Variants in MTMR10 observed in about 807,000 individuals in gnomAD.
MTMR10 encodes myotubularin related protein 10, also known as myotubularin-related protein 10.
Under a neutral mutation model 88.1 loss-of-function variants are expected in MTMR10, and 56 were observed. The ratio of observed to expected loss-of-function variants is 0.64; its 90% CI spans 0.51 to 0.79. MTMR10 has a LOEUF of 0.79. Ranked by LOEUF, MTMR10 falls within the 30% of genes least tolerant of loss-of-function variation. The probability of loss-of-function intolerance (pLI) is 0.00; values close to 1 mark genes in which losing one functional copy is unlikely to be tolerated. For missense variants in MTMR10, 883 were observed against 924.7 expected (o/e 0.95, Z 0.58); for synonymous variants, 380 against 340.9 (o/e 1.11, Z -1.26).
At chr15:30,930,437 C>G in the MTMR10 span, 5 of 1,345,596 alleles carry the variant, frequency 3.7e-6, no homozygotes, top group South Asian at 1.6e-5. Context: ...TCCATGTGCA[C>G]TGAATTACAT....
rs547375227 is a variant in MTMR10 at position 30,941,404 on chromosome 15, T to C, written c.*66A>G. On this transcript the variant is annotated 3_prime_UTR_variant, in exon 16 of 16. Coordinates refer to ENST00000435680, the MANE Select transcript of MTMR10 (RefSeq NM_017762.3). ...TTATTAGAGATTCAAACGCCTAGGT[T>C]AGCAATGTTAATTCAGAGGAAAAAA... 6.4e-7 allele frequency: 1 copy of C among 1,560,180 alleles called. No individual in the cohort carries two copies. Among genetic ancestry groups the C allele is most frequent in the Non-Finnish European group, 8.7e-7 (1 of 1,155,818 alleles).
chr15:30,940,923 AAC>A lies in MTMR10; in HGVS notation c.*545_*546del. 1 of 1,049,164 alleles carries A rather than the reference AAC, an allele frequency of 9.5e-7. No individual in the cohort carries two copies. The highest frequency in any genetic ancestry group is 1.2e-6 in the Non-Finnish European group (1 of 867,420). The allele number at this position is 1,049,164 out of a possible 1,614,324, so 65.0% of individuals were successfully genotyped here. Reference sequence around the variant, plus strand: ...GTTAAAAGCAAACTCATGATTTCAAAACACAGTGATCTAAGGTTCCAAAGAAG... The same window carrying A: ...GTTAAAAGCAAACTCATGATTTCAAAACAGTGATCTAAGGTTCCAAAGAAG... On this transcript the variant is annotated 3_prime_UTR_variant, in exon 16 of 16. Coordinates refer to ENST00000435680, the MANE Select transcript of MTMR10 (RefSeq NM_017762.3).
At position 30,952,051 on chromosome 15, in the gene MTMR10, A is replaced by T. The variant is rs774125670; in HGVS notation, c.1137-13T>A. On this transcript the variant is annotated splice_polypyrimidine_tract_variant and intron_variant, in intron 11 of 15. Coordinates refer to ENST00000435680, the MANE Select transcript of MTMR10 (RefSeq NM_017762.3). The stretch of plus-strand genomic sequence containing the variant: ...CTTAAGGAATGCCCTGAAGAGAGAA[A>T]AGGAAAAGCAGTGTTAAAAATCAAA... 1.9e-6 allele frequency: 3 copies of T among 1,609,330 alleles called. No homozygotes were observed. The highest frequency in any genetic ancestry group is 2.6e-6 in the Non-Finnish European group (3 of 1,176,086).
chr15:30,962,756 G>T (rs141443076), intron 6 of MTMR10, among the ~76,000 whole-genome samples: 3 of 152,296 alleles, frequency 2.0e-5, no homozygotes, highest in African/African-American at 7.2e-5. Flanking sequence ...TAATAAGTGT[G>T]ATAATCACAG....
chr15:30,949,715 C>T (rs2063217157), intron 12 of MTMR10: 1 of 152,016 alleles, frequency 6.6e-6, no homozygotes, highest in South Asian at 2.1e-4. Context: ...TGGAAACAAC[C>T]CAAATGTCCA....
At chr15:30,930,264 C>T in the MTMR10 span, among the ~76,000 whole-genome samples, 2 of 151,866 alleles carry the variant, frequency 1.3e-5, no homozygotes, top group African/African-American at 2.4e-5. Context: ...CTGAGTGCAT[C>T]CTCCACATCC....
chr15:30,976,889 T>C lies in MTMR10; in HGVS notation c.188A>G (p.Asp63Gly). The stretch of plus-strand genomic sequence containing the variant: ...ACTGCATATCAGCTTTCCCCACAAA[T>C]CGTACTGGCTTGTGTCTGTTGCAAT... ...KCIATDTSQYDLWGKLICSNF... is the reference protein window; with the variant it reads ...KCIATDTSQYGLWGKLICSNF... Residue 63 changes from aspartate (D) to glycine (G), a missense_variant, in exon 3 of 16, where the codon GAT becomes GGT. By Grantham distance (94) the Asp-to-Gly change is moderately conservative (BLOSUM62 -1). This residue lies in a region of MTMR10 where 414 missense variants were observed against 423.2 expected (regional missense o/e 0.98). Coordinates refer to ENST00000435680, the MANE Select transcript of MTMR10 (RefSeq NM_017762.3). The C allele has an allele frequency of 1.9e-6, 3 of 1,613,784 alleles. No homozygotes were observed. The highest frequency in any genetic ancestry group is 1.7e-6 in the Non-Finnish European group (2 of 1,179,708).
the MTMR10 span, among the ~76,000 whole-genome samples, chr15:30,929,764 A>AT: frequency 2.0e-5 from 1 of 49,666 alleles, no homozygotes; most frequent in African/African-American, 1.0e-4. Context: ...TATAATATAT[A>AT]AAATATATAA....
At chr15:30,988,981 C>CT (rs2031131499) in intron 2 of MTMR10, among the ~76,000 whole-genome samples, 1 of 119,894 alleles carries the variant, frequency 8.3e-6, no homozygotes. Context: ...GAGTGAGACT[C>CT]TGTCTCAAAA....
At chr15:30,950,490 T>A (rs556242422) in intron 12 of MTMR10, among the ~76,000 whole-genome samples, 2 of 151,964 alleles carry the variant, frequency 1.3e-5, no homozygotes, top group Non-Finnish European at 2.9e-5. Flanking sequence ...GCCAACAAGG[T>A]GAAACCCCAT....
intron 13 of MTMR10, among the ~76,000 whole-genome samples, chr15:30,947,586 T>C (rs937160960): frequency 6.6e-6 from 1 of 152,162 alleles, no homozygotes; most frequent in African/African-American, 2.4e-5. Context: ...GAGCAAAATA[T>C]GTGTTTAAGC....
chr15:30,963,830 A>G (rs2063439771), intron 6 of MTMR10, among the ~76,000 whole-genome samples: 1 of 152,210 alleles, frequency 6.6e-6, no homozygotes, highest in African/African-American at 2.4e-5. Context: ...AAACCTGCAT[A>G]TGGAATTTTT....
At position 30,953,670 on chromosome 15, in the gene MTMR10, T is replaced by C. The variant is rs775442614; in HGVS notation, c.1067-39A>G. 1.6e-4 allele frequency: 211 copies of C among 1,343,830 alleles called. 1 individual carries two copies. Among genetic ancestry groups the C allele is most frequent in the Non-Finnish European group, 1.8e-4 (170 of 967,304 alleles). 83.2% of individuals were successfully genotyped at this position (1,343,830 alleles called of 1,614,324 possible). A position where few individuals can be genotyped will look rare whatever the true frequency, so the allele number is the denominator to read the frequency against. ...TATACATACACATTTTTACTTTTTA[T>C]TTTATACGATCCCTATCAGAGTAAA... On this transcript the variant is annotated intron_variant, in intron 10 of 15. Coordinates refer to ENST00000435680, the MANE Select transcript of MTMR10 (RefSeq NM_017762.3).
rs984719763 is a variant in MTMR10 at position 30,940,800 on chromosome 15, A to G, written c.*670T>C. On this transcript the variant is annotated 3_prime_UTR_variant, in exon 16 of 16. Transcript: ENST00000435680. ...GTGAAATTATATTTTCTTCTGTAAT[A>G]TTTGTATCCTAAAGTCAAAGGCACT... 4.1e-6 allele frequency: 4 copies of G among 987,192 alleles called. No individual in the cohort carries two copies. The African/African-American group carries it at 7.0e-5, about 17-fold the overall frequency. 61.2% of individuals were successfully genotyped at this position (987,192 alleles called of 1,614,324 possible). A position where few individuals can be genotyped will look rare whatever the true frequency, so the allele number is the denominator to read the frequency against.
In MTMR10 at chr15:30,948,446, A is replaced by G. The variant is rs1397363536; in HGVS notation, c.1233T>C (p.Cys411=). 6.2e-7 allele frequency: 1 copy of G among 1,610,392 alleles called. No individual in the cohort carries two copies. The highest frequency in any genetic ancestry group is 8.5e-7 in the Non-Finnish European group (1 of 1,178,090). Residue 411 remains cysteine, a synonymous_variant, in exon 13 of 16, where the codon TGT becomes TGC. Transcript: ENST00000435680. The part of the protein sequence containing the change: ...LQEEEGRDLS[C]CVASLVQVML... Reference sequence around the variant, plus strand: ...TCACTTGAACAAGAGAAGCTACACAACAGCTCAAGTCTCTTCCTTCCTCCT... The same window carrying G: ...TCACTTGAACAAGAGAAGCTACACAGCAGCTCAAGTCTCTTCCTTCCTCCT...
chr15:30,928,441 T>C, the MTMR10 span: 4 of 1,514,842 alleles, frequency 2.6e-6, no homozygotes, highest in African/African-American at 5.6e-5. Context: ...ATTTCTATTA[T>C]TTTCTTGAAA....
At chr15:30,963,646 T>TAGACAGATAGATAGATAGAC (rs1441160181) in intron 6 of MTMR10, among the ~76,000 whole-genome samples, 3 of 148,024 alleles carry the variant, frequency 2.0e-5, no homozygotes, top group African/African-American at 7.6e-5. Flanking sequence ...CAAAAATAAA[T>TAGACAGATAGATAGATAGAC]AGACAGATAG....
At chr15:30,946,611 CTGT>C in intron 14 of MTMR10, 3 of 641,974 alleles carry the variant, frequency 4.7e-6, no homozygotes, top group South Asian at 3.5e-5. Context: ...TTGTCAGCTT[CTGT>C]TGTTGGTTCG....
At chr15:30,930,249 C>T in the MTMR10 span, among the ~76,000 whole-genome samples, 2 of 151,800 alleles carry the variant, frequency 1.3e-5, no homozygotes, top group South Asian at 2.1e-4. Flanking sequence ...CATGCTGTCG[C>T]GTTCCTGAGT....
Sources: gnomAD v4.1 joint callset for allele counts (sites outside exome capture counted in the v4.1 genomes callset) on GRCh38, gnomAD v4.1.1 for gene constraint, gnomAD v4.1.1 regional missense constraint, MANE v1.5 for transcripts, NCBI Gene and HGNC (gene_info 2026-07-23, HGNC 2026-07-21) for gene names.